Variants in DST observed in about 807,000 individuals in gnomAD.
DST encodes dystonin.
In DST, 253 loss-of-function variants were observed where a neutral mutation model predicts 875.2. That is an observed-to-expected ratio of 0.29 (90% CI 0.26 to 0.32). The LOEUF (loss-of-function observed/expected upper bound fraction) is 0.32, where lower values mean the gene tolerates loss of function less well. Among genes scored for constraint, DST ranks in the 10% least tolerant of loss-of-function variants. DST has a pLI of 1.00. For synonymous variants in DST, 3,124 were observed against 3,197.1 expected (o/e 0.98, Z 0.77); for missense variants, 8,287 against 9,111.6 (o/e 0.91, Z 3.68).
chr6:56,568,996 T>C (rs957244949), intron 54 of DST, among the ~76,000 whole-genome samples: 3 of 152,150 alleles, frequency 2.0e-5, no homozygotes, highest in African/African-American at 7.2e-5. Context: ...TTTTACAGCA[T>C]ATTTTAATCC....
chr6:56,936,396 T>G (rs1395140485), intron 2 of DST, among the ~76,000 whole-genome samples: 1 of 152,202 alleles, frequency 6.6e-6, no homozygotes, highest in African/African-American at 2.4e-5. Context: ...TTGCCATTTT[T>G]GACCTCCATT....
chr6:56,930,874 T>C (rs921956695), intron 2 of DST, among the ~76,000 whole-genome samples: 4 of 152,334 alleles, frequency 2.6e-5, no homozygotes, highest in South Asian at 2.1e-4. Flanking sequence ...TTTGTCACGA[T>C]TGCATGACAA....
intron 4 of DST, among the ~76,000 whole-genome samples, chr6:56,751,278 G>A (rs1016152594): frequency 6.6e-6 from 1 of 152,034 alleles, no homozygotes; most frequent in African/African-American, 2.4e-5. Context: ...ATTACGCATT[G>A]ATTAAATAGA....
intron 12 of DST, 90 bp downstream of exon 12, chr6:56,650,836 T>C (rs911744285): frequency 1.3e-6 from 1 of 760,354 alleles, no homozygotes; most frequent in South Asian, 1.9e-5. Flanking sequence ...ATATTCAACA[T>C]TCAAAAACTG....
chr6:56,656,046 A>AAG (rs2099006603), intron 10 of DST, among the ~76,000 whole-genome samples: 1 of 152,244 alleles, frequency 6.6e-6, no homozygotes, highest in Non-Finnish European at 1.5e-5. Context: ...GGGACATATC[A>AAG]GTGTTTCAAA....
chr6:56,569,281 C>T lies in DST; in HGVS notation c.13878+575G>A, dbSNP rs182327080. On this transcript the variant is annotated intron_variant, in intron 54 of 103. Transcript: ENST00000680361. ...CAGAGCTTGCAGTGAGCCAAGATCA[C>T]ACCACTGCACTCCAGCCTGGGCAAA... 3.3e-3 allele frequency among the ~76,000 whole-genome samples: 492 copies of T among 148,568 alleles called. 2 individuals carry two copies. The highest frequency in any genetic ancestry group is 0.012 in the African/African-American group (474 of 40,086).
intron 36 of DST, chr6:56,620,829 A>C: frequency 1.1e-6 from 1 of 929,562 alleles, no homozygotes; most frequent in Non-Finnish European, 1.7e-6. Context: ...ATGCAGAACA[A>C]GCGCTATCAC....
chr6:56,632,831 A>T, intron 28 of DST, 23 bp downstream of exon 28: 1 of 1,608,624 alleles, frequency 6.2e-7, no homozygotes, highest in Non-Finnish European at 8.5e-7. Context: ...GGGGAAAAAA[A>T]GACAGGGATC....
intron 72 of DST, among the ~76,000 whole-genome samples, chr6:56,513,230 G>GT (rs1388452275): frequency 1.1e-5 from 1 of 94,298 alleles, no homozygotes; most frequent in Non-Finnish European, 2.2e-5. Context: ...AGTGAGAGGA[G>GT]CCTTTTTTTT....
At chr6:56,588,076 G>A (rs374824265) in intron 49 of DST, among the ~76,000 whole-genome samples, 115 of 152,156 alleles carry the variant, frequency 7.6e-4, no homozygotes, top group African/African-American at 2.6e-3. Flanking sequence ...AACTTTAAAT[G>A]TAAATGGACT....
intron 4 of DST, among the ~76,000 whole-genome samples, chr6:56,806,026 T>C (rs2099752559): frequency 6.6e-6 from 1 of 152,146 alleles, no homozygotes; most frequent in Non-Finnish European, 1.5e-5. Context: ...CTCATTAGGA[T>C]GGGGGTAAGT....
intron 80 of DST, among the ~76,000 whole-genome samples, chr6:56,499,801 C>T (rs1476558043): frequency 6.6e-6 from 1 of 152,078 alleles, no homozygotes; most frequent in African/African-American, 2.4e-5. Flanking sequence ...ACCTTTAAGA[C>T]AGTTGATAGG....
intron 2 of DST, among the ~76,000 whole-genome samples, chr6:56,916,821 C>CAGAG (rs540124396): frequency 1.2e-4 from 17 of 140,768 alleles, no homozygotes; most frequent in Admixed American, 2.8e-4. Flanking sequence ...CACACACACA[C>CAGAG]ACAGAGAGAC....
At chr6:56,825,178 C>G (rs1403059451) in intron 4 of DST, among the ~76,000 whole-genome samples, 1 of 150,150 alleles carries the variant, frequency 6.7e-6, no homozygotes, top group African/African-American at 2.5e-5. Context: ...GCCTTGGGAT[C>G]CTGTTGATCT....
chr6:56,837,449 A>T (rs1446410520), intron 4 of DST, among the ~76,000 whole-genome samples: 2 of 152,000 alleles, frequency 1.3e-5, no homozygotes, highest in African/African-American at 4.8e-5. Context: ...TACCCACCTA[A>T]CCTGTTTCCC....
At chr6:56,761,978 T>A (rs1244160400) in intron 4 of DST, among the ~76,000 whole-genome samples, 1 of 152,160 alleles carries the variant, frequency 6.6e-6, no homozygotes, top group African/African-American at 2.4e-5. Context: ...TAACCAATCT[T>A]CTGCCTCATC....
intron 4 of DST, among the ~76,000 whole-genome samples, chr6:56,847,002 CAAA>C (rs569665465): frequency 7.7e-5 from 4 of 51,978 alleles, no homozygotes; most frequent in Non-Finnish European, 1.5e-4. Context: ...GACCCTGTCT[CAAA>C]AAAAAAAAAA....
intron 4 of DST, among the ~76,000 whole-genome samples, chr6:56,839,778 C>A (rs1418130856): frequency 6.6e-6 from 1 of 152,090 alleles, no homozygotes; most frequent in African/African-American, 2.4e-5. Flanking sequence ...TGCACATAAG[C>A]AGATTTTATA....
At position 56,536,797 on chromosome 6, in the gene DST, C is replaced by A; in HGVS notation, c.16752G>T (p.Trp5584Cys). 1 of 1,579,274 alleles carries A rather than the reference C, an allele frequency of 6.3e-7. No homozygotes were observed. The highest frequency in any genetic ancestry group is 8.6e-7 in the Non-Finnish European group (1 of 1,162,676). ...EHDLDDVNAR[W>C]KTLNKKVAQR... ...AAATTACCTTCTTATTGAGAGTCTT[C>A]CACCGTGCATTGACATCATCCAGGT... Residue 5584 changes from tryptophan (W) to cysteine (C), a missense_variant, in exon 62 of 104, where the codon TGG (tryptophan) becomes TGT (cysteine). Trp to Cys is a radical substitution (Grantham distance 215). Transcript: ENST00000680361.
Sources: allele counts gnomAD v4.1 joint callset (sites outside exome capture counted in the v4.1 genomes callset), GRCh38; gene constraint gnomAD v4.1.1; transcripts MANE v1.5; gene names NCBI Gene and HGNC (gene_info 2026-07-23, HGNC 2026-07-21).